Variants in UNC5C observed in about 807,000 individuals in gnomAD.
UNC5C encodes the protein unc-5 netrin receptor C.
UNC5C carries 47 observed loss-of-function variants against 99.8 expected under a neutral mutation model. That is an observed-to-expected ratio of 0.47 (90% CI 0.37 to 0.60). UNC5C has a LOEUF of 0.60. Ranked by LOEUF, UNC5C falls within the 20% of genes least tolerant of loss-of-function variation. The probability of loss-of-function intolerance (pLI) is 0.00; values close to 1 mark genes in which losing one functional copy is unlikely to be tolerated. For synonymous variants in UNC5C, 487 were observed against 452.2 expected (o/e 1.08, Z -0.98); for missense variants, 1,062 against 1,165.9 (o/e 0.91, Z 1.30).
At chr4:95,517,691 G>T (rs971126530) in intron 1 of UNC5C, among the ~76,000 whole-genome samples, 1 of 152,122 alleles carries the variant, frequency 6.6e-6, no homozygotes, top group African/African-American at 2.4e-5. Flanking sequence ...TGGAGGCACA[G>T]TACCAAAAAA....
chr4:95,281,846 G>A (rs1741070351), intron 3 of UNC5C, among the ~76,000 whole-genome samples: 1 of 152,138 alleles, frequency 6.6e-6, no homozygotes, highest in African/African-American at 2.4e-5. Context: ...TTTAATTTTG[G>A]GGACTGGGTA....
intron 1 of UNC5C, among the ~76,000 whole-genome samples, chr4:95,509,242 G>C (rs1722002154): frequency 6.6e-6 from 1 of 151,550 alleles, no homozygotes; most frequent in Non-Finnish European, 1.5e-5. Flanking sequence ...TTTGCAGTCT[G>C]TACCTATACT....
At chr4:95,229,857 C>T (rs1184171448) in intron 7 of UNC5C, among the ~76,000 whole-genome samples, 1 of 125,392 alleles carries the variant, frequency 8.0e-6, no homozygotes, top group African/African-American at 3.1e-5. Context: ...ATTGCCCAGG[C>T]TGGAGTGCAG....
intron 1 of UNC5C, among the ~76,000 whole-genome samples, chr4:95,513,589 GACA>G (rs574130639): frequency 1.8e-3 from 268 of 152,030 alleles, no homozygotes; most frequent in Non-Finnish European, 3.0e-3. Flanking sequence ...GACACATGAA[GACA>G]ACACATTAAA....
intron 1 of UNC5C, among the ~76,000 whole-genome samples, chr4:95,425,662 ATATTC>A (rs1371309914): frequency 1.3e-5 from 2 of 152,212 alleles, no homozygotes; most frequent in Non-Finnish European, 2.9e-5. Flanking sequence ...TTGTTTTTTT[ATATTC>A]ATTACTTTAT....
At chr4:95,269,703 C>A (rs1003588732) in intron 4 of UNC5C, among the ~76,000 whole-genome samples, 1 of 151,392 alleles carries the variant, frequency 6.6e-6, no homozygotes, top group Non-Finnish European at 1.5e-5. Flanking sequence ...AATAGCAAGG[C>A]CTTGACAATT....
chr4:95,400,478 C>T (rs1310722213), intron 1 of UNC5C, among the ~76,000 whole-genome samples: 2 of 147,958 alleles, frequency 1.4e-5, no homozygotes, highest in Non-Finnish European at 3.0e-5. Flanking sequence ...CTGCAAGCTC[C>T]GCCTCCCAGT....
intron 3 of UNC5C, among the ~76,000 whole-genome samples, chr4:95,292,364 G>A (rs1253171950): frequency 1.3e-5 from 2 of 150,846 alleles, no homozygotes; most frequent in Non-Finnish European, 3.0e-5. Context: ...CTGCCTCCCA[G>A]GTTCACGCCA....
At chr4:95,419,924 C>G (rs1336289649) in intron 1 of UNC5C, among the ~76,000 whole-genome samples, 1 of 152,010 alleles carries the variant, frequency 6.6e-6, no homozygotes. Flanking sequence ...CAGAAATAGA[C>G]AGGATGGATA....
intron 1 of UNC5C, among the ~76,000 whole-genome samples, chr4:95,410,454 G>C (rs1302042817): frequency 6.6e-6 from 1 of 152,170 alleles, no homozygotes; most frequent in Non-Finnish European, 1.5e-5. Flanking sequence ...AGATGTTTCA[G>C]CGTTCACTAA....
chr4:95,448,714 A>G (rs866112374), intron 1 of UNC5C, among the ~76,000 whole-genome samples: 1 of 152,214 alleles, frequency 6.6e-6, no homozygotes, highest in Non-Finnish European at 1.5e-5. Context: ...GAATTTTGAC[A>G]TGAAAGTATA....
At chr4:95,335,969 G>A (rs1743321897) in intron 1 of UNC5C, among the ~76,000 whole-genome samples, 1 of 151,808 alleles carries the variant, frequency 6.6e-6, no homozygotes, top group Non-Finnish European at 1.5e-5. Flanking sequence ...ATTATAGAGT[G>A]TCACCCTTGA....
intron 1 of UNC5C, among the ~76,000 whole-genome samples, chr4:95,429,168 A>C (rs1036014314): frequency 6.6e-6 from 1 of 152,018 alleles, no homozygotes; most frequent in African/African-American, 2.4e-5. Context: ...GCACTTTAAA[A>C]CTAGCGTTTA....
rs532765231 is a variant in UNC5C, at chr4:95,209,924, A to G, written c.1734-3128T>C. 7.2e-5 allele frequency among the ~76,000 whole-genome samples: 11 copies of G among 152,278 alleles called. No homozygotes were observed. In the South Asian group the frequency reaches 2.1e-3, roughly 29 times the overall value. On this transcript the variant is annotated intron_variant, in intron 10 of 15. Transcript: ENST00000453304. ...GTGTACCTTGAGAAGTGAACATTAA[A>G]CTTTTAAGGAAGGAGACTAGAGTGG... is the stretch of plus-strand genomic sequence containing the variant.
chr4:95,355,565 G>C (rs951054719), intron 1 of UNC5C, among the ~76,000 whole-genome samples: 1 of 151,968 alleles, frequency 6.6e-6, no homozygotes, highest in African/African-American at 2.4e-5. Flanking sequence ...TTGCACCGTT[G>C]TGCCTATCAC....
chr4:95,424,390 C>T (rs997330042), intron 1 of UNC5C, among the ~76,000 whole-genome samples: 2 of 151,680 alleles, frequency 1.3e-5, no homozygotes, highest in African/African-American at 2.4e-5. Context: ...TCACATATTT[C>T]GGGTACTGGC....
rs1164753750 is a variant in UNC5C, at chr4:95,182,343, CTTTATA to C, written c.2451+548_2451+553del. ...CCATCCCGGAGGAAAGTGTATCTCT[CTTTATA>C]TTTAGAGAATGATAGAGAGAAAGGA... On this transcript the variant is annotated intron_variant, in intron 14 of 15. Coordinates refer to ENST00000453304, the MANE Select transcript of UNC5C (RefSeq NM_003728.4). Among the ~76,000 whole-genome samples the C allele has an allele frequency of 3.3e-5, 5 of 152,064 alleles. No homozygotes were observed. In the East Asian group the frequency reaches 7.8e-4, roughly 24 times the overall value.
At chr4:95,430,991 A>G (rs78674158) in intron 1 of UNC5C, among the ~76,000 whole-genome samples, 24,478 of 152,000 alleles carry the variant, frequency 0.16, 2,501 homozygotes, top group East Asian at 0.49. Flanking sequence ...CCACTCACAC[A>G]TCATTCTTCA....
chr4:95,289,811 T>G (rs1034030284), intron 3 of UNC5C, among the ~76,000 whole-genome samples: 1 of 152,328 alleles, frequency 6.6e-6, no homozygotes, highest in African/African-American at 2.4e-5. Flanking sequence ...AAGAACTAGA[T>G]TGGCCTTCAG....
Sources: allele counts gnomAD v4.1 joint callset (sites outside exome capture counted in the v4.1 genomes callset), GRCh38; gene constraint gnomAD v4.1.1; transcripts MANE v1.5; gene names NCBI Gene and HGNC (gene_info 2026-07-23, HGNC 2026-07-21).